Variants in UBN2 observed in about 807,000 individuals in gnomAD.
UBN2 encodes the protein ubinuclein 2.
UBN2 carries 35 observed loss-of-function variants against 120.2 expected under a neutral mutation model. The observed-to-expected ratio is 0.29, with a 90% CI of 0.22 to 0.39. The LOEUF (loss-of-function observed/expected upper bound fraction) is 0.39. Ranked by LOEUF, UBN2 falls within the 10% of genes least tolerant of loss-of-function variation. The pLI, the probability that UBN2 is intolerant of heterozygous loss-of-function variation, is 1.00. For synonymous variants in UBN2, 661 were observed against 648.7 expected, an observed-to-expected ratio of 1.02 and a Z score of -0.29; for missense variants, 1,693 against 1,663.2, an observed-to-expected ratio of 1.02 and a Z score of -0.31.
chr7:139,287,547 A>T (rs1797824594), intron 15 of UBN2, among the ~76,000 whole-genome samples: 1 of 152,186 alleles, frequency 6.6e-6, no homozygotes, highest in Non-Finnish European at 1.5e-5. Flanking sequence ...TTGGTTTGTC[A>T]GCATGAAGGC....
rs150596157 is a variant in UBN2 at position 139,283,140 on chromosome 7, A to G, written c.2235A>G (p.Pro745=). Residue 745 remains proline, a synonymous_variant, in exon 15 of 18, where the codon CCA becomes CCG. Coordinates refer to ENST00000473989, the MANE Select transcript of UBN2 (RefSeq NM_173569.4). ...CTGCAGCTAGCTCTAGCTCTGCACCAGCCCAAGAAACCATCTGCCTCGACG... is the reference window on the plus strand; with the variant it reads ...CTGCAGCTAGCTCTAGCTCTGCACCGGCCCAAGAAACCATCTGCCTCGACG... ...AIAAASSSSA[P]AQETICLDDS... The G allele has an allele frequency of 1.2e-6, 2 of 1,612,570 alleles. No homozygotes were observed. The highest frequency in any genetic ancestry group is 1.7e-5 in the Admixed American group (1 of 59,696).
chr7:139,260,956 A>C (rs1367639995), intron 5 of UBN2, among the ~76,000 whole-genome samples: 2 of 152,360 alleles, frequency 1.3e-5, no homozygotes, highest in South Asian at 4.1e-4. Context: ...TGTAGTGCAC[A>C]TAGAAGCATT....
intron 15 of UBN2, among the ~76,000 whole-genome samples, chr7:139,285,952 G>A (rs894986186): frequency 1.1e-4 from 16 of 151,644 alleles, no homozygotes; most frequent in African/African-American, 2.4e-4. Context: ...TTTTTGAGAC[G>A]GAGTCTTCTC....
At chr7:139,234,578 A>G (rs1349759110) in intron 1 of UBN2, among the ~76,000 whole-genome samples, 1 of 152,204 alleles carries the variant, frequency 6.6e-6, no homozygotes, top group African/African-American at 2.4e-5. Flanking sequence ...GATGACTGGC[A>G]TTGGAATCAT....
chr7:139,269,616 A>G, intron 8 of UBN2, 93 bp downstream of exon 8: 1 of 1,358,398 alleles, frequency 7.4e-7, no homozygotes, highest in Non-Finnish European at 1.0e-6. Flanking sequence ...TAATTGATTT[A>G]TAGTCATATT....
chr7:139,246,039 A>G (rs547429084), intron 2 of UBN2, among the ~76,000 whole-genome samples: 39 of 152,308 alleles, frequency 2.6e-4, no homozygotes, highest in African/African-American at 8.4e-4. Flanking sequence ...TATTTTCCAA[A>G]TATTAATTAG....
Position 139,250,748 on chromosome 7 carries a change from A to G in UBN2, c.562-1208A>G, listed in dbSNP as rs551674307. On this transcript the variant is annotated intron_variant, in intron 2 of 17. Coordinates refer to ENST00000473989, the MANE Select transcript of UBN2 (RefSeq NM_173569.4). ...AACTCAGATTTCACGTACTCATTTC[A>G]GTTTTTACATGCACTCATTTTTCAT... Among the ~76,000 whole-genome samples the G allele has an allele frequency of 4.7e-3, 711 of 152,164 alleles. 8 individuals are homozygous for G. The highest frequency in any genetic ancestry group is 0.017 in the African/African-American group (692 of 41,486).
chr7:139,269,007 GA>G (rs1258889248), intron 7 of UBN2, among the ~76,000 whole-genome samples: 2 of 152,120 alleles, frequency 1.3e-5, no homozygotes, highest in Non-Finnish European at 2.9e-5. Flanking sequence ...AGGAGTTCGA[GA>G]CCAGCCTGAC....
At chr7:139,233,658 TTA>T (rs1796086907) in intron 1 of UBN2, among the ~76,000 whole-genome samples, 1 of 152,118 alleles carries the variant, frequency 6.6e-6, no homozygotes, top group African/African-American at 2.4e-5. Context: ...CTCATATAGT[TTA>T]GAGGATTCTG....
intron 2 of UBN2, among the ~76,000 whole-genome samples, chr7:139,238,984 A>G (rs116399363): frequency 6.6e-6 from 1 of 152,320 alleles, no homozygotes; most frequent in East Asian, 1.9e-4. Context: ...TGTTTTTTAT[A>G]CAAGTTATAC....
the UBN2 span, among the ~76,000 whole-genome samples, chr7:139,317,782 C>T: frequency 2.5e-4 from 38 of 152,066 alleles, no homozygotes; most frequent in Admixed American, 2.5e-3. Flanking sequence ...CCTGCCTCAG[C>T]CTCCCAAGTA....
intron 15 of UBN2, among the ~76,000 whole-genome samples, chr7:139,286,958 G>A (rs1244413430): frequency 1.3e-5 from 2 of 152,032 alleles, no homozygotes; most frequent in Admixed American, 6.6e-5. Flanking sequence ...TCAGCTAACT[G>A]GTAATTCATT....
At chr7:139,290,999 TA>T (rs1797938383) in intron 15 of UBN2, among the ~76,000 whole-genome samples, 1 of 152,204 alleles carries the variant, frequency 6.6e-6, no homozygotes, top group Non-Finnish European at 1.5e-5. Context: ...ATACATGTAA[TA>T]AAACTGGAAA....
intron 12 of UBN2, among the ~76,000 whole-genome samples, chr7:139,278,563 G>A (rs1797515054): frequency 6.6e-6 from 1 of 151,790 alleles, no homozygotes; most frequent in Admixed American, 6.6e-5. Context: ...GTACCAGAAA[G>A]TAGGAATCTA....
At chr7:139,311,558 TAG>T (rs1182740652), downstream of UBN2, among the ~76,000 whole-genome samples, 4 of 152,236 alleles carry the variant, frequency 2.6e-5, no homozygotes, top group African/African-American at 9.6e-5. Flanking sequence ...TTGGTCGGAT[TAG>T]AGACAAGGTA....
At chr7:139,236,754 A>G (rs1796172121) in intron 1 of UBN2, among the ~76,000 whole-genome samples, 1 of 151,614 alleles carries the variant, frequency 6.6e-6, no homozygotes, top group South Asian at 2.1e-4. Flanking sequence ...TTTAGTTTTA[A>G]TACTTCTGAC....
At chr7:139,260,742 A>G (rs879617169) in intron 5 of UBN2, among the ~76,000 whole-genome samples, 1 of 152,228 alleles carries the variant, frequency 6.6e-6, no homozygotes, top group Non-Finnish European at 1.5e-5. Flanking sequence ...TTCATTATTT[A>G]CAAGTAGACT....
chr7:139,319,951 C>T, the UBN2 span, among the ~76,000 whole-genome samples: 1 of 151,606 alleles, frequency 6.6e-6, no homozygotes, highest in Non-Finnish European at 1.5e-5. Flanking sequence ...TGGCGGGTGC[C>T]TGTAGTCCCA....
intron 2 of UBN2, among the ~76,000 whole-genome samples, chr7:139,248,561 A>T (rs1796533832): frequency 6.6e-6 from 1 of 152,030 alleles, no homozygotes; most frequent in Non-Finnish European, 1.5e-5. Flanking sequence ...TGCCTTTTTC[A>T]TCTTTAATTC....
Sources: allele counts gnomAD v4.1 joint callset (sites outside exome capture counted in the v4.1 genomes callset), GRCh38; gene constraint gnomAD v4.1.1; transcripts MANE v1.5; gene names NCBI Gene and HGNC (gene_info 2026-07-23, HGNC 2026-07-21).